RNF169: variants seen among roughly 807,000 people sequenced by gnomAD.
RNF169 encodes the protein ring finger protein 169.
RNF169 carries 24 observed loss-of-function variants against 53.9 expected under a neutral mutation model. The ratio of observed to expected loss-of-function variants is 0.45; its 90% CI spans 0.32 to 0.63. The LOEUF (loss-of-function observed/expected upper bound fraction) is 0.63, where lower values mean the gene tolerates loss of function less well. Among genes scored for constraint, RNF169 ranks in the 20% least tolerant of loss-of-function variants. RNF169 has a pLI of 0.04. For missense variants in RNF169, 883 were observed against 906.2 expected, an observed-to-expected ratio of 0.97 and a Z score of 0.33; for synonymous variants, 396 against 363.5, an observed-to-expected ratio of 1.09 and a Z score of -1.02.
intron 1 of RNF169, among the ~76,000 whole-genome samples, chr11:74,783,433 A>G (rs1641030945): frequency 6.6e-6 from 1 of 152,206 alleles, no homozygotes; most frequent in African/African-American, 2.4e-5. Context: ...TAAGTATAGT[A>G]ATAGTCAAAG....
chr11:74,815,611 G>A (rs181738137), intron 3 of RNF169, among the ~76,000 whole-genome samples: 1 of 152,136 alleles, frequency 6.6e-6, no homozygotes, highest in Admixed American at 6.5e-5. Context: ...TTTCTTAAAA[G>A]ATTAATAGTT....
intron 1 of RNF169, among the ~76,000 whole-genome samples, chr11:74,778,404 G>GT (rs1261589664): frequency 2.0e-5 from 3 of 152,098 alleles, no homozygotes; most frequent in African/African-American, 7.2e-5. Flanking sequence ...TTATGTCACT[G>GT]TTTCTTTTTC....
chr11:74,791,238 C>A (rs1591407806), intron 2 of RNF169, among the ~76,000 whole-genome samples: 2 of 152,130 alleles, frequency 1.3e-5, no homozygotes, highest in East Asian at 3.9e-4. Context: ...GAGTCCAGGG[C>A]TTTTATGGGC....
intron 3 of RNF169, among the ~76,000 whole-genome samples, chr11:74,812,195 T>A (rs2035884390): frequency 6.6e-6 from 1 of 152,200 alleles, no homozygotes. Context: ...TAACAGCCAG[T>A]TTTACAAATG....
chr11:74,810,231 C>A lies in RNF169; in HGVS notation c.624C>A (p.Ile208=). The A allele has an allele frequency of 6.2e-7, 1 of 1,613,288 alleles. No individual in the cohort carries two copies. Among genetic ancestry groups the A allele is most frequent in the South Asian group, 1.1e-5 (1 of 91,012 alleles). Residue 208 remains isoleucine, a synonymous_variant, in exon 3 of 6, where the codon ATC becomes ATA. Coordinates refer to ENST00000299563, the MANE Select transcript of RNF169 (RefSeq NM_001098638.2). ...LQEEKPSEDQ[I]HKLLPEDTET... The stretch of plus-strand genomic sequence containing the variant: ...AGGAAAAACCCTCTGAAGATCAAAT[C>A]CACAAGCTGTTACCAGAGGATACAG...
intron 4 of RNF169, chr11:74,831,148 C>T (rs2036172122): frequency 1.3e-5 from 2 of 151,974 alleles, no homozygotes; most frequent in Admixed American, 6.6e-5. Context: ...AAATTCTAGC[C>T]AGAAGAATTG....
intron 1 of RNF169, among the ~76,000 whole-genome samples, chr11:74,762,669 A>T (rs1374649812): frequency 6.6e-6 from 1 of 152,226 alleles, no homozygotes; most frequent in Non-Finnish European, 1.5e-5. Context: ...TACAGGAAAG[A>T]TAGGAAAATC....
At chr11:74,790,451 A>T (rs949870893) in intron 2 of RNF169, among the ~76,000 whole-genome samples, 1 of 152,196 alleles carries the variant, frequency 6.6e-6, no homozygotes, top group African/African-American at 2.4e-5. Context: ...CAATAATGCT[A>T]TTGTCACAGG....
intron 4 of RNF169, chr11:74,831,834 A>C (rs2036183353): frequency 6.6e-6 from 1 of 152,218 alleles, no homozygotes; most frequent in Non-Finnish European, 1.5e-5. Flanking sequence ...GAGAGTCCAG[A>C]AATAAACCCA....
chr11:74,836,562 C>T lies in RNF169; in HGVS notation c.1959C>T (p.Asp653=). The stretch of plus-strand genomic sequence containing the variant: ...GGGAGGTGGGTCTGGCCCCAACAGA[C>T]CCAGTCCTGCGAGAGATGGAGCAGA... ...TSGEVGLAPT[D]PVLREMEQKL... Residue 653 remains aspartate (D), a synonymous_variant, in exon 6 of 6, where the codon GAC becomes GAT. Coordinates refer to ENST00000299563, the MANE Select transcript of RNF169 (RefSeq NM_001098638.2). The T allele has an allele frequency of 6.2e-7, 1 of 1,614,108 alleles. No homozygotes were observed. The highest frequency in any genetic ancestry group is 1.7e-5 in the Admixed American group (1 of 60,022).
intron 1 of RNF169, among the ~76,000 whole-genome samples, chr11:74,759,887 A>G (rs1005113379): frequency 6.6e-6 from 1 of 151,914 alleles, no homozygotes; most frequent in Non-Finnish European, 1.5e-5. Context: ...AAGGAATGGT[A>G]CCAGTTCCTC....
rs2036244457 is a variant in RNF169, at chr11:74,835,743, C to T, written c.1140C>T (p.Asn380=). The T allele has an allele frequency of 6.2e-7, 1 of 1,614,090 alleles. No individual in the cohort carries two copies. Among genetic ancestry groups the T allele is most frequent in the African/African-American group, 1.3e-5 (1 of 74,924 alleles). The change falls in exon 6 of 6, where the codon AAC becomes AAT. Residue 380 remains asparagine, a synonymous_variant. Coordinates refer to ENST00000299563, the MANE Select transcript of RNF169 (RefSeq NM_001098638.2). Reference sequence around the variant, plus strand: ...ATGACAGCATCTCCGAAGAACTAAACCATTTCAAGCCCATTGTCTGCTCAC... The same window carrying T: ...ATGACAGCATCTCCGAAGAACTAAATCATTTCAAGCCCATTGTCTGCTCAC... The part of the protein sequence containing the change: ...ESNDSISEEL[N]HFKPIVCSPC...
chr11:74,764,036 A>G (rs1331465717), intron 1 of RNF169, among the ~76,000 whole-genome samples: 1 of 152,204 alleles, frequency 6.6e-6, no homozygotes, highest in African/African-American at 2.4e-5. Context: ...ACAACAGAAA[A>G]GCAGCAACAA....
intron 2 of RNF169, among the ~76,000 whole-genome samples, chr11:74,806,742 G>T (rs2035810757): frequency 6.6e-6 from 1 of 152,014 alleles, no homozygotes; most frequent in Admixed American, 6.6e-5. Flanking sequence ...TAGGTAAAAT[G>T]ATTTTTTTTG....
At chr11:74,781,165 GTTGGA>G (rs2035412259) in intron 1 of RNF169, among the ~76,000 whole-genome samples, 1 of 152,236 alleles carries the variant, frequency 6.6e-6, no homozygotes. Flanking sequence ...ACTGATCTCA[GTTGGA>G]TCCTTGGAGG....
At chr11:74,834,437 G>T (rs2036221690) in intron 4 of RNF169, among the ~76,000 whole-genome samples, 1 of 152,134 alleles carries the variant, frequency 6.6e-6, no homozygotes, top group African/African-American at 2.4e-5. Context: ...CCTCCTTTTG[G>T]CAGGGTCTAG....
At chr11:74,792,006 A>G (rs909181231) in intron 2 of RNF169, among the ~76,000 whole-genome samples, 2 of 152,250 alleles carry the variant, frequency 1.3e-5, no homozygotes, top group Non-Finnish European at 2.9e-5. Context: ...TGAATGAAAA[A>G]TCAGTGTTTA....
At chr11:74,783,037 G>C (rs1165243955) in intron 1 of RNF169, among the ~76,000 whole-genome samples, 1 of 151,042 alleles carries the variant, frequency 6.6e-6, no homozygotes, top group East Asian at 2.0e-4. Context: ...CATAGAAAAT[G>C]AATGTACAGG....
rs1020547823 is a variant in RNF169, at chr11:74,838,461, C to T, written c.*1731C>T. The stretch of plus-strand genomic sequence containing the variant: ...AATGAGTGCTGCTGTAAAGCAGAGC[C>T]ATTTTCTTGTGCAGCTCATAGTTCC... On this transcript the variant is annotated 3_prime_UTR_variant, in exon 6 of 6. Coordinates refer to ENST00000299563, the MANE Select transcript of RNF169 (RefSeq NM_001098638.2). The T allele has an allele frequency of 1.3e-5, 2 of 152,136 alleles. No individual in the cohort carries two copies. The highest frequency in any genetic ancestry group is 2.9e-5 in the Non-Finnish European group (2 of 68,018). 9.4% of individuals were successfully genotyped at this position (152,136 alleles called of 1,614,324 possible).
Sources: allele counts gnomAD v4.1 joint callset (sites outside exome capture counted in the v4.1 genomes callset), GRCh38; gene constraint gnomAD v4.1.1; transcripts MANE v1.5; gene names NCBI Gene and HGNC (gene_info 2026-07-23, HGNC 2026-07-21).